P2RY14: variants seen among roughly 807,000 people sequenced by gnomAD.
The protein encoded by P2RY14 is purinergic receptor P2Y14.
P2RY14 carries 2 observed loss-of-function variants against 0.9 expected under a neutral mutation model. The ratio of observed to expected loss-of-function variants is 2.16; its 90% CI spans 0.88 to 6.79. The LOEUF (loss-of-function observed/expected upper bound fraction) is 6.79, where lower values mean the gene tolerates loss of function less well. P2RY14 is among the 30% of genes most tolerant of loss of function. The probability of loss-of-function intolerance (pLI) is 0.05; values close to 1 mark genes in which losing one functional copy is unlikely to be tolerated. For synonymous variants in P2RY14, 158 were observed against 147.2 expected, an observed-to-expected ratio of 1.07 and a Z score of -0.53; for missense variants, 378 against 400.1, an observed-to-expected ratio of 0.94 and a Z score of 0.47.
At chr3:151,238,026 C>T (rs1273114754) in intron 1 of P2RY14, among the ~76,000 whole-genome samples, 1 of 152,140 alleles carries the variant, frequency 6.6e-6, no homozygotes, top group East Asian at 1.9e-4. Flanking sequence ...TTTCAAGAAG[C>T]AAAATTTACC....
chr3:151,214,304 T>C lies in P2RY14; in HGVS notation c.13A>G (p.Thr5Ala). MINS[T>A]STQPPDESCS... is the part of the protein sequence containing the mutation. ...GATTCATCTGGAGGCTGTGTGGAGGTTGAATTGATCATCTTGTAACTTCTG... is the reference window on the plus strand; with the variant it reads ...GATTCATCTGGAGGCTGTGTGGAGGCTGAATTGATCATCTTGTAACTTCTG... Residue 5 changes from threonine to alanine, a missense_variant, in exon 3 of 3, where the codon ACC becomes GCC. By Grantham distance (58) the Thr-to-Ala change is moderately conservative. Transcript: ENST00000309170. 1 of 1,612,754 alleles carries C rather than the reference T, an allele frequency of 6.2e-7. No individual in the cohort carries two copies. Among genetic ancestry groups the C allele is most frequent in the Non-Finnish European group, 8.5e-7 (1 of 1,179,324 alleles).
chr3:151,253,818 T>TGGGA (rs1737288969), intron 1 of P2RY14, among the ~76,000 whole-genome samples: 2 of 152,062 alleles, frequency 1.3e-5, no homozygotes, highest in African/African-American at 4.8e-5. Flanking sequence ...ACATTGTCCT[T>TGGGA]TTGCTGAGAG....
At position 151,217,825 on chromosome 3, in the gene P2RY14, GT is replaced by G. The variant is rs1421417625; in HGVS notation, c.-25+1709del. Among the ~76,000 whole-genome samples, 3 of 152,226 alleles carry G rather than the reference GT, an allele frequency of 2.0e-5. No individual in the cohort carries two copies. The East Asian group carries it at 5.8e-4, about 29-fold the overall frequency. ...GTGGGGTTAATGGTGAGAACATACT[GT>G]CTTACGGGTTCAAGTGTCTTAGAGC... is the stretch of plus-strand genomic sequence containing the variant. On this transcript the variant is annotated intron_variant, in intron 2 of 2. Coordinates refer to ENST00000309170, the MANE Select transcript of P2RY14 (RefSeq NM_014879.4).
In P2RY14 at chr3:151,271,500, G is replaced by GGA. The variant is rs1740939847; in HGVS notation, c.-133+6786_-133+6787insTC. Among the ~76,000 whole-genome samples the GGA allele has an allele frequency of 3.9e-5, 6 of 152,186 alleles. No homozygotes were observed. In the South Asian group the frequency reaches 1.2e-3, roughly 32 times the overall value. On this transcript the variant is annotated intron_variant, in intron 1 of 2. Transcript: ENST00000309170. ...TTGTGACCTAGTAATTTCACTCCTA[G>GGA]GTGTTTACCCAGGAGAAGTGAAAGT... is the stretch of plus-strand genomic sequence containing the variant.
chr3:151,248,977 C>T (rs1378610430), intron 1 of P2RY14: 1 of 152,150 alleles, frequency 6.6e-6, no homozygotes, highest in Non-Finnish European at 1.5e-5. Context: ...CTCGTGTTGA[C>T]CAGTGGGAAA....
intron 1 of P2RY14, among the ~76,000 whole-genome samples, chr3:151,220,624 GT>G (rs1370877950): frequency 6.6e-6 from 1 of 152,182 alleles, no homozygotes; most frequent in Non-Finnish European, 1.5e-5. Flanking sequence ...AGATCTGATG[GT>G]TTTAAAAACG....
At chr3:151,238,185 C>T (rs977133984) in intron 1 of P2RY14, among the ~76,000 whole-genome samples, 7 of 151,832 alleles carry the variant, frequency 4.6e-5, no homozygotes, top group Admixed American at 3.9e-4. Context: ...CTCGCTCTGT[C>T]ACCCAGGCTG....
At chr3:151,241,009 A>G (rs943305700) in intron 1 of P2RY14, among the ~76,000 whole-genome samples, 1 of 152,158 alleles carries the variant, frequency 6.6e-6, no homozygotes, top group African/African-American at 2.4e-5. Flanking sequence ...CTGGTTGCCA[A>G]AAACATCCAG....
intron 2 of P2RY14, among the ~76,000 whole-genome samples, chr3:151,219,246 A>G (rs1332015834): frequency 6.6e-6 from 1 of 152,150 alleles, no homozygotes; most frequent in Non-Finnish European, 1.5e-5. Flanking sequence ...ATTACAGATA[A>G]CCTCAGGGTT....
At chr3:151,225,937 G>T (rs1054393929) in intron 1 of P2RY14, among the ~76,000 whole-genome samples, 2 of 152,094 alleles carry the variant, frequency 1.3e-5, no homozygotes, top group Non-Finnish European at 2.9e-5. Flanking sequence ...AAAGTACATT[G>T]TAACCTTTGG....
intron 1 of P2RY14, among the ~76,000 whole-genome samples, chr3:151,260,660 G>A (rs1235567461): frequency 2.0e-5 from 3 of 152,132 alleles, no homozygotes; most frequent in Non-Finnish European, 4.4e-5. Context: ...CCTAAAGCTG[G>A]TTTTTAATGA....
intron 1 of P2RY14, among the ~76,000 whole-genome samples, chr3:151,248,475 G>A (rs1736192334): frequency 1.3e-5 from 2 of 151,892 alleles, no homozygotes; most frequent in Non-Finnish European, 2.9e-5. Flanking sequence ...GTTCTTTATT[G>A]GACTGTCTTT....
intron 2 of P2RY14, among the ~76,000 whole-genome samples, chr3:151,218,034 T>C (rs572067175): frequency 4.6e-5 from 7 of 152,342 alleles, no homozygotes; most frequent in African/African-American, 1.7e-4. Context: ...CCTCGTGATA[T>C]CTACTCAGTC....
intron 1 of P2RY14, among the ~76,000 whole-genome samples, chr3:151,240,038 CTTT>C (rs11366541): frequency 6.8e-6 from 1 of 146,972 alleles, no homozygotes; most frequent in Admixed American, 6.7e-5. Context: ...TTTCTCCCAC[CTTT>C]TTTTTTTTTG....
At chr3:151,222,019 G>A (rs1182070383) in intron 1 of P2RY14, among the ~76,000 whole-genome samples, 1 of 152,240 alleles carries the variant, frequency 6.6e-6, no homozygotes, top group South Asian at 2.1e-4. Context: ...CTTGCATTGC[G>A]TGACCTGGGT....
intron 1 of P2RY14, among the ~76,000 whole-genome samples, chr3:151,228,250 C>T (rs980933806): frequency 1.3e-4 from 20 of 152,170 alleles, no homozygotes; most frequent in African/African-American, 4.1e-4. Context: ...TAGAATATTG[C>T]GATAATTATT....
intron 1 of P2RY14, among the ~76,000 whole-genome samples, chr3:151,224,654 AGAAG>A (rs1730119146): frequency 6.6e-6 from 1 of 152,208 alleles, no homozygotes; most frequent in Non-Finnish European, 1.5e-5. Context: ...TTCACCCAGA[AGAAG>A]GAATCCTCCT....
rs114951189 is a variant in P2RY14, at chr3:151,213,602, C to T, written c.715G>A (p.Val239Met). Residue 239 changes from valine to methionine, a missense_variant, in exon 3 of 3, where the codon GTG becomes ATG. By Grantham distance (21) the Val-to-Met change is conservative. Coordinates refer to ENST00000309170, the MANE Select transcript of P2RY14 (RefSeq NM_014879.4). Reference protein sequence around the residue: ...KKSSRNIFSIVFVFFVCFVPY... With the variant: ...KKSSRNIFSIMFVFFVCFVPY... ...ACAAAACAGACAAAAAACACAAACA[C>T]GATGCTGAATATGTTGCGGCTAGAT... 113 of 1,614,090 alleles carry T rather than the reference C, an allele frequency of 7.0e-5. No individual in the cohort carries two copies. The highest frequency in any genetic ancestry group is 3.8e-4 in the Admixed American group (23 of 60,018).
intron 1 of P2RY14, among the ~76,000 whole-genome samples, chr3:151,260,269 C>A (rs1738611303): frequency 6.6e-6 from 1 of 152,166 alleles, no homozygotes; most frequent in Non-Finnish European, 1.5e-5. Context: ...GTTGATACAG[C>A]CAAAATGCAT....
Sources: gnomAD v4.1 joint callset for allele counts (sites outside exome capture counted in the v4.1 genomes callset) on GRCh38, gnomAD v4.1.1 for gene constraint, MANE v1.5 for transcripts, NCBI Gene and HGNC (gene_info 2026-07-23, HGNC 2026-07-21) for gene names.